Variants in FKBP4 observed in about 807,000 individuals in gnomAD.
FKBP4 encodes peptidyl-prolyl cis-trans isomerase FKBP4.
A neutral mutation model predicts 54.1 loss-of-function variants in FKBP4; 28 were observed. The observed-to-expected ratio is 0.52, with a 90% CI of 0.38 to 0.71. The LOEUF (loss-of-function observed/expected upper bound fraction) is 0.71. Ranked by LOEUF, FKBP4 falls within the 30% of genes least tolerant of loss-of-function variation. The probability of loss-of-function intolerance (pLI) is 0.00; values close to 1 mark genes in which losing one functional copy is unlikely to be tolerated. For missense variants in FKBP4, 493 were observed against 574.4 expected (o/e 0.86, Z 1.45); for synonymous variants, 223 against 216.1 (o/e 1.03, Z -0.28).
chr12:2,801,026 C>T (rs2097904443), intron 8 of FKBP4, 91 bp from the exon 9 acceptor site: 2 of 1,549,174 alleles, frequency 1.3e-6, no homozygotes, highest in Non-Finnish European at 8.8e-7. Context: ...CCTCCTCATC[C>T]TCCTGAGGGG....
chr12:2,797,652 G>A lies in FKBP4; in HGVS notation c.251-77G>A, dbSNP rs142243967. On this transcript the variant is annotated intron_variant, in intron 2 of 9. Coordinates refer to ENST00000001008, the MANE Select transcript of FKBP4 (RefSeq NM_002014.4). ...CCAGCTTCCCCATGAGTGTGGTGCA[G>A]TAACTCTTCAGGAGCACTGTTTGAG... is the stretch of plus-strand genomic sequence containing the variant. 3.8e-4 allele frequency: 574 copies of A among 1,517,182 alleles called. 4 individuals carry two copies. The African/African-American group carries it at 6.8e-3, about 18-fold the overall frequency. 94.0% of individuals were successfully genotyped at this position (1,517,182 alleles called of 1,614,324 possible).
At position 2,795,098 on chromosome 12, in the gene FKBP4, G is replaced by C. The variant is rs1242418002; in HGVS notation, c.-42G>C. Reference sequence around the variant, plus strand: ...CCCGCCCGCGGCCCAGAGTGCGCTCGCGCCGGCACCAGCTCCCGGATAAAC... The same window carrying C: ...CCCGCCCGCGGCCCAGAGTGCGCTCCCGCCGGCACCAGCTCCCGGATAAAC... On this transcript the variant is annotated 5_prime_UTR_variant, in exon 1 of 10. Transcript: ENST00000001008. The surrounding 1 kb of genome is among the most constrained non-coding windows in gnomAD (Gnocchi z 4.3). The C allele has an allele frequency of 2.4e-6, 3 of 1,233,658 alleles. No homozygotes were observed. Among genetic ancestry groups the C allele is most frequent in the Non-Finnish European group, 3.1e-6 (3 of 966,232 alleles). 76.4% of individuals were successfully genotyped at this position (1,233,658 alleles called of 1,614,324 possible). A position where few individuals can be genotyped will look rare whatever the true frequency, so the allele number is the denominator to read the frequency against.
intron 5 of FKBP4, 23 bp downstream of exon 5, chr12:2,799,267 G>C (rs1469239417): frequency 1.9e-5 from 28 of 1,466,410 alleles, no homozygotes; most frequent in Non-Finnish European, 2.4e-5. Flanking sequence ...CACTTCGTAG[G>C]GTAGGCAGGC....
At chr12:2,797,517 G>A (rs1189920878) in intron 2 of FKBP4, among the ~76,000 whole-genome samples, 1 of 150,552 alleles carries the variant, frequency 6.6e-6, no homozygotes, top group African/African-American at 2.4e-5. Flanking sequence ...GGACTGTCTT[G>A]CATCTTAAAC....
rs113054259 is a variant in FKBP4 at position 2,798,726 on chromosome 12, G to A, written c.414G>A (p.Lys138=). Residue 138 remains lysine (K), a synonymous_variant, in exon 4 of 10, where the codon AAG becomes AAA. Transcript: ENST00000001008. The surrounding 1 kb of genome is among the most constrained non-coding windows in gnomAD (Gnocchi z 4.3). ...LVFEVELFEF[K]GEDLTEEEDG... ...CACAGGTGGAGTTGTTTGAGTTTAA[G>A]GGAGAAGATCTGACGGAAGAGGAAG... 6.2e-7 allele frequency: 1 copy of A among 1,613,768 alleles called. No homozygotes were observed. Among genetic ancestry groups the A allele is most frequent in the Non-Finnish European group, 8.5e-7 (1 of 1,179,956 alleles).
intron 1 of FKBP4, chr12:2,796,562 A>G: frequency 1.7e-6 from 2 of 1,186,848 alleles, no homozygotes; most frequent in Non-Finnish European, 2.1e-6. Flanking sequence ...CTCAGCTCCC[A>G]AGTCAGAGTT....
intron 1 of FKBP4, chr12:2,796,035 C>T (rs1603481284): frequency 4.3e-6 from 5 of 1,175,712 alleles, no homozygotes; most frequent in East Asian, 6.2e-5. Flanking sequence ...CTACAAATAG[C>T]CTGGGGAGCT....
chr12:2,804,601 A>G lies in FKBP4; in HGVS notation c.*1343A>G, dbSNP rs2097906563. 6.6e-6 allele frequency: 1 copy of G among 152,492 alleles called. No individual in the cohort carries two copies. Among genetic ancestry groups the G allele is most frequent in the Admixed American group, 6.5e-5 (1 of 15,282 alleles). 9.4% of individuals were successfully genotyped at this position (152,492 alleles called of 1,614,324 possible). On this transcript the variant is annotated 3_prime_UTR_variant, in exon 10 of 10. Transcript: ENST00000001008. Reference sequence around the variant, plus strand: ...CTCCAGATAATCCTGGCTCCAGGCCAGAGCCCGTGTCTGCCCTCATCCCTC... The same window carrying G: ...CTCCAGATAATCCTGGCTCCAGGCCGGAGCCCGTGTCTGCCCTCATCCCTC...
chr12:2,796,327 C>T (rs537733464), intron 1 of FKBP4: 3 of 1,289,092 alleles, frequency 2.3e-6, no homozygotes, highest in African/African-American at 1.5e-5. Flanking sequence ...TTCCCCTTCT[C>T]GCTCCAGCGT....
chr12:2,801,411 A>G (rs1354608244), intron 9 of FKBP4, 55 bp downstream of exon 9: 19 of 1,604,858 alleles, frequency 1.2e-5, no homozygotes, highest in Non-Finnish European at 1.5e-5. Flanking sequence ...TAACCTGGCT[A>G]CTGTGGGCTC....
Position 2,800,497 on chromosome 12 carries a change from C to A in FKBP4, c.952C>A (p.Arg318=), listed in dbSNP as rs1014212097. ...NEEAQKAQAL[R]LASHLNLAMC... ...GGAAGCACAGAAAGCACAGGCCCTT[C>A]GACTGGCCTCTCACCTCAACCTGGC... Residue 318 remains arginine, a synonymous_variant, in exon 8 of 10, where the codon CGA becomes AGA. Transcript: ENST00000001008. 1.2e-6 allele frequency: 2 copies of A among 1,614,038 alleles called. No individual in the cohort carries two copies. The highest frequency in any genetic ancestry group is 2.7e-5 in the African/African-American group (2 of 74,920).
rs924694910 is a variant in FKBP4, at chr12:2,804,440, C to G, written c.*1182C>G. 2.6e-5 allele frequency: 4 copies of G among 152,236 alleles called. No individual in the cohort carries two copies. Among genetic ancestry groups the G allele is most frequent in the South Asian group, 4.1e-4 (2 of 4,832 alleles). 9.4% of individuals were successfully genotyped at this position (152,236 alleles called of 1,614,324 possible). A position where few individuals can be genotyped will look rare whatever the true frequency, so the allele number is the denominator to read the frequency against. ...AAGGTTAAGAGTAAAGCAGAGTGTT[C>G]ACGTCCAGCTTCCTTCTCAGCCTTA... is the stretch of plus-strand genomic sequence containing the variant. On this transcript the variant is annotated 3_prime_UTR_variant, in exon 10 of 10. Transcript: ENST00000001008.
chr12:2,796,540 A>C (rs1034397712), intron 1 of FKBP4: 6 of 1,191,776 alleles, frequency 5.0e-6, no homozygotes, highest in Admixed American at 3.6e-5. Context: ...TGGACTAACT[A>C]CCAGAGGAAT....
chr12:2,799,285 C>A, intron 5 of FKBP4, 41 bp downstream of exon 5: 1 of 1,461,104 alleles, frequency 6.8e-7, no homozygotes, highest in South Asian at 1.6e-5. Context: ...GGCAGGCAAA[C>A]CAAGATCAAA....
At position 2,800,454 on chromosome 12, in the gene FKBP4, G is replaced by A; in HGVS notation, c.909G>A (p.Glu303=). The A allele has an allele frequency of 6.2e-7, 1 of 1,614,140 alleles. No homozygotes were observed. The highest frequency in any genetic ancestry group is 1.1e-5 in the South Asian group (1 of 91,076). The change falls in exon 8 of 10, where the codon GAG becomes GAA. Residue 303 remains glutamate (E), a synonymous_variant. Transcript: ENST00000001008. The part of the protein sequence containing the change: ...YKKIVSWLEY[E]SSFSNEEAQK... ...AGATCGTGTCTTGGCTGGAATATGA[G>A]TCTAGTTTTTCCAATGAGGAAGCAC... is the stretch of plus-strand genomic sequence containing the variant.
Position 2,798,702 on chromosome 12 carries a change from A to G in FKBP4, c.394-4A>G, listed in dbSNP as rs1390937518. The stretch of plus-strand genomic sequence containing the variant: ...AAGGAATTGTGTCACATCTTGTCCC[A>G]CAGGTGGAGTTGTTTGAGTTTAAGG... On this transcript the variant is annotated splice_region_variant and splice_polypyrimidine_tract_variant and intron_variant, in intron 3 of 9. Coordinates refer to ENST00000001008, the MANE Select transcript of FKBP4 (RefSeq NM_002014.4). This position sits in a 1 kb window ranked among gnomAD's most constrained non-coding sequence, Gnocchi z 4.3. 6.2e-7 allele frequency: 1 copy of G among 1,613,412 alleles called. No individual in the cohort carries two copies.
Position 2,797,722 on chromosome 12 carries a change from C to A in FKBP4, c.251-7C>A. On this transcript the variant is annotated splice_region_variant and splice_polypyrimidine_tract_variant and intron_variant, in intron 2 of 9. Coordinates refer to ENST00000001008, the MANE Select transcript of FKBP4 (RefSeq NM_002014.4). ...TAAGGCGGTCCTGTTTGCTTCTGTA[C>A]CTGCAGGGGAGGTCATCAAGGCTTG... 6.2e-7 allele frequency: 1 copy of A among 1,608,934 alleles called. No individual in the cohort carries two copies. Among genetic ancestry groups the A allele is most frequent in the South Asian group, 1.1e-5 (1 of 90,530 alleles).
intron 9 of FKBP4, among the ~76,000 whole-genome samples, chr12:2,802,725 G>A (rs1565398598): frequency 6.6e-6 from 1 of 151,990 alleles, no homozygotes; most frequent in African/African-American, 2.4e-5. Context: ...ATATACAAGT[G>A]TTCTGTTTTG....
chr12:2,796,381 C>T, intron 1 of FKBP4: 1 of 1,289,094 alleles, frequency 7.8e-7, no homozygotes, highest in Non-Finnish European at 1.0e-6. Flanking sequence ...AAGCTCATTT[C>T]CCCTTTGATC....
Sources: gnomAD v4.1 joint callset for allele counts (sites outside exome capture counted in the v4.1 genomes callset) on GRCh38, gnomAD v4.1.1 for gene constraint, Gnocchi (gnomAD v3.1) non-coding constraint, MANE v1.5 for transcripts, NCBI Gene and HGNC (gene_info 2026-07-23, HGNC 2026-07-21) for gene names.